Variants in TMPRSS2 observed in about 807,000 individuals in gnomAD.
The protein encoded by TMPRSS2 is transmembrane protease serine 2.
TMPRSS2 carries 59 observed loss-of-function variants against 67.4 expected under a neutral mutation model. The observed-to-expected ratio is 0.88, with a 90% CI of 0.71 to 1.09. The LOEUF is 1.09. TMPRSS2 is among the 50% of genes least tolerant of loss of function. The pLI is 0.00. For missense variants in TMPRSS2, 668 were observed against 642.7 expected (o/e 1.04, Z -0.43); for synonymous variants, 257 against 257.0 (o/e 1.00, Z 0.00).
intron 11 of TMPRSS2, 57 bp downstream of exon 11, chr21:41,470,591 G>T: frequency 6.5e-7 from 1 of 1,543,200 alleles, no homozygotes; most frequent in South Asian, 1.1e-5. Context: ...TCCCACTTCC[G>T]AACCCAATGC....
rs2091079062 is a variant in TMPRSS2, at chr21:41,465,869, A to AGCCTC, written c.*268_*272dup. On this transcript the variant is annotated 3_prime_UTR_variant, in exon 14 of 14. Coordinates refer to ENST00000332149, the MANE Select transcript of TMPRSS2 (RefSeq NM_005656.4). ...CTCAGCAGGAAGATCTCAATGGGGC[A>AGCCTC]GCCTCCACCCCTCTCCTCCACACTT... 1 of 509,866 alleles carries AGCCTC rather than the reference A, an allele frequency of 2.0e-6. No homozygotes were observed. Among genetic ancestry groups the AGCCTC allele is most frequent in the Non-Finnish European group, 3.5e-6 (1 of 285,332 alleles). 31.6% of individuals were successfully genotyped at this position (509,866 alleles called of 1,614,324 possible).
At chr21:41,492,944 C>T (rs144988776) in intron 3 of TMPRSS2, among the ~76,000 whole-genome samples, 1,562 of 152,318 alleles carry the variant, frequency 0.01, 16 homozygotes, top group Non-Finnish European at 0.016. Context: ...TCCATCCCCA[C>T]GGTGGACAAA....
intron 5 of TMPRSS2, among the ~76,000 whole-genome samples, chr21:41,481,344 G>C (rs908126406): frequency 6.6e-6 from 1 of 152,140 alleles, no homozygotes; most frequent in South Asian, 2.1e-4. Context: ...TGCATGAGCC[G>C]ACTCACATGG....
intron 8 of TMPRSS2, 137 bp from the exon 9 acceptor site, chr21:41,473,633 G>A (rs2146432287): frequency 1.0e-6 from 1 of 959,274 alleles, no homozygotes; most frequent in African/African-American, 1.7e-5. Context: ...GACTTAGGGG[G>A]CTCCTGGGGG....
intron 8 of TMPRSS2, among the ~76,000 whole-genome samples, chr21:41,473,715 C>T (rs2298661): frequency 6.6e-6 from 1 of 151,112 alleles, no homozygotes; most frequent in Admixed American, 6.6e-5. Flanking sequence ...CCTGAACACT[C>T]CTGTGATCCC....
chr21:41,468,423 G>T lies in TMPRSS2; in HGVS notation c.1287C>A (p.Phe429Leu), dbSNP rs765092823. The change falls in exon 12 of 14, where the codon TTC becomes TTA. Residue 429 changes from phenylalanine (F) to leucine (L), a missense_variant. Coordinates refer to ENST00000332149, the MANE Select transcript of TMPRSS2 (RefSeq NM_005656.4). ...GGCAAGAATCGACGTTCCCCTGCAG[G>T]AAGCCGGCACAGATCATGGCTGGTG... ...LITPAMICAG[F>L]LQGNVDSCQG... 1.2e-6 allele frequency: 2 copies of T among 1,614,154 alleles called. No individual in the cohort carries two copies. Among genetic ancestry groups the T allele is most frequent in the South Asian group, 2.2e-5 (2 of 91,080 alleles).
chr21:41,495,265 A>G (rs2091372719), intron 2 of TMPRSS2, among the ~76,000 whole-genome samples: 3 of 152,234 alleles, frequency 2.0e-5, no homozygotes, highest in East Asian at 1.9e-4. Flanking sequence ...GAGTTCCTTC[A>G]TGACAATTTA....
intron 3 of TMPRSS2, among the ~76,000 whole-genome samples, chr21:41,490,144 G>A (rs1455280430): frequency 1.1e-5 from 1 of 93,450 alleles, no homozygotes; most frequent in Non-Finnish European, 2.0e-5. Flanking sequence ...CAAAAACTCT[G>A]TCAAAAAAAA....
At position 41,478,822 on chromosome 21, in the gene TMPRSS2, T is replaced by G. The variant is rs1339402659; in HGVS notation, c.683+350A>C. Among the ~76,000 whole-genome samples the G allele has an allele frequency of 3.9e-5, 6 of 152,306 alleles. No individual in the cohort carries two copies. The East Asian group carries it at 1.2e-3, about 29-fold the overall frequency. The stretch of plus-strand genomic sequence containing the variant: ...TGGCTGGGACACTGAGACATTATCT[T>G]GGATTCCTAGAACCACGCCCTGACA... On this transcript the variant is annotated intron_variant, in intron 7 of 13. Coordinates refer to ENST00000332149, the MANE Select transcript of TMPRSS2 (RefSeq NM_005656.4). The surrounding 1 kb of genome is among the most constrained non-coding windows in gnomAD (Gnocchi z 4.0).
intron 7 of TMPRSS2, 113 bp downstream of exon 7, chr21:41,479,059 C>G (rs1329694350): frequency 1.3e-6 from 1 of 799,744 alleles, no homozygotes; most frequent in Non-Finnish European, 2.0e-6. Context: ...AATGCAAAAC[C>G]CATCCAGACC....
chr21:41,488,971 T>C (rs922251758), intron 4 of TMPRSS2, among the ~76,000 whole-genome samples: 1 of 152,178 alleles, frequency 6.6e-6, no homozygotes, highest in Non-Finnish European at 1.5e-5. Context: ...AGGAGAAGTG[T>C]CCTTGCCACC....
intron 4 of TMPRSS2, among the ~76,000 whole-genome samples, chr21:41,489,272 C>T (rs2091319027): frequency 6.6e-6 from 1 of 152,200 alleles, no homozygotes; most frequent in African/African-American, 2.4e-5. Context: ...AACCTGTGCT[C>T]ACAGTGCTGG....
In TMPRSS2 at chr21:41,465,240, A is replaced by C. The variant is rs912276475; in HGVS notation, c.*902T>G. The C allele has an allele frequency of 1.3e-5, 3 of 233,668 alleles. No homozygotes were observed. Among genetic ancestry groups the C allele is most frequent in the African/African-American group, 6.6e-5 (3 of 45,362 alleles). 14.5% of individuals were successfully genotyped at this position (233,668 alleles called of 1,614,324 possible). The stretch of plus-strand genomic sequence containing the variant: ...AGCACTGAGGTAGCAATGTGTAGAA[A>C]CATAACATGGAAACAGTGTACCTTA... On this transcript the variant is annotated 3_prime_UTR_variant, in exon 14 of 14. Transcript: ENST00000332149.
chr21:41,468,114 A>G, intron 12 of TMPRSS2: 1 of 614,932 alleles, frequency 1.6e-6, no homozygotes, highest in Non-Finnish European at 2.8e-6. Context: ...GTTACTAAAT[A>G]AATTGCCGTT....
At chr21:41,483,746 G>A (rs576030223) in intron 5 of TMPRSS2, among the ~76,000 whole-genome samples, 17 of 149,088 alleles carry the variant, frequency 1.1e-4, no homozygotes, top group African/African-American at 4.2e-4. Context: ...CAGAGAGCTG[G>A]AAAAGGTCTC....
At chr21:41,503,679 C>G (rs533043037) in intron 1 of TMPRSS2, among the ~76,000 whole-genome samples, 3 of 152,140 alleles carry the variant, frequency 2.0e-5, no homozygotes, top group Non-Finnish European at 4.4e-5. Context: ...CCTGGAGCTA[C>G]CTTAGAATGT....
At chr21:41,469,275 GC>G (rs2091110802) in intron 11 of TMPRSS2, among the ~76,000 whole-genome samples, 1 of 151,032 alleles carries the variant, frequency 6.6e-6, no homozygotes, top group South Asian at 2.1e-4. Context: ...GGTGGCTCTA[GC>G]CCTAGTGTAC....
intron 3 of TMPRSS2, 98 bp downstream of exon 3, chr21:41,494,258 G>T: frequency 8.0e-7 from 1 of 1,254,384 alleles, no homozygotes; most frequent in Non-Finnish European, 1.1e-6. Context: ...CAGACCAGGA[G>T]AGGTGGCGAC....
rs766047137 is a variant in TMPRSS2, at chr21:41,494,394, G to A, written c.200C>T (p.Thr67Met). ...LTQASNPVVC[T>M]QPKSPSGTVC... ...TGTCCCGGATGGGGATTTGGGCTGC[G>A]TGCAGACGACGGGGTTGGAAGCCTG... The change falls in exon 3 of 14, where the codon ACG (threonine) becomes ATG (methionine). Residue 67 changes from threonine (T) to methionine (M), a missense_variant. Thr to Met is a moderately conservative substitution (Grantham distance 81). Transcript: ENST00000332149. 20 of 1,610,474 alleles carry A rather than the reference G, an allele frequency of 1.2e-5. No individual in the cohort carries two copies. Among genetic ancestry groups the A allele is most frequent in the East Asian group, 2.2e-5 (1 of 44,884 alleles).
Sources: gnomAD v4.1 joint callset for allele counts (sites outside exome capture counted in the v4.1 genomes callset) on GRCh38, gnomAD v4.1.1 for gene constraint, Gnocchi (gnomAD v3.1) non-coding constraint, MANE v1.5 for transcripts, NCBI Gene and HGNC (gene_info 2026-07-23, HGNC 2026-07-21) for gene names.